Variants in FAM117B observed in about 807,000 individuals in gnomAD.
The protein encoded by FAM117B is family with sequence similarity 117 member B, also known as protein FAM117B.
FAM117B carries 22 observed loss-of-function variants against 52.8 expected under a neutral mutation model. That is an observed-to-expected ratio of 0.42 (90% confidence interval 0.30 to 0.59). The LOEUF is 0.59. Ranked by LOEUF, FAM117B falls within the 20% of genes least tolerant of loss-of-function variation. The probability of loss-of-function intolerance (pLI) is 0.22; values close to 1 mark genes in which losing one functional copy is unlikely to be tolerated. For missense variants in FAM117B, 678 were observed against 802.6 expected, an observed-to-expected ratio of 0.84 and a Z score of 1.88; for synonymous variants, 309 against 324.1, an observed-to-expected ratio of 0.95 and a Z score of 0.50.
Position 202,683,075 on chromosome 2 carries a change from C to T in FAM117B, c.602-12806C>T, listed in dbSNP as rs556715888. 1.8e-4 allele frequency among the ~76,000 whole-genome samples: 27 copies of T among 152,250 alleles called. No individual in the cohort carries two copies. In the South Asian group the frequency reaches 5.4e-3, roughly 30 times the overall value. On this transcript the variant is annotated intron_variant, in intron 1 of 7. Transcript: ENST00000392238. ...AGGTGTAGTGGCTCATGCCTATAAT[C>T]CTAGCACTTTGGGAGGCCGAGGCGG...
At chr2:202,667,289 C>T (rs1044593272) in intron 1 of FAM117B, among the ~76,000 whole-genome samples, 2 of 151,438 alleles carry the variant, frequency 1.3e-5, no homozygotes, top group African/African-American at 2.4e-5. Context: ...TTAATAGAGA[C>T]GGGGTTTCAC....
At chr2:202,747,089 T>C (rs1185801726) in intron 4 of FAM117B, among the ~76,000 whole-genome samples, 3 of 152,050 alleles carry the variant, frequency 2.0e-5, no homozygotes, top group Admixed American at 6.6e-5. Flanking sequence ...CAAGATTAAG[T>C]GGGATTTATT....
chr2:202,662,140 A>G lies in FAM117B; in HGVS notation c.601+26352A>G, dbSNP rs1047099693. On this transcript the variant is annotated intron_variant, in intron 1 of 7. Coordinates refer to ENST00000392238, the MANE Select transcript of FAM117B (RefSeq NM_173511.4). ...GGTAGGTGTGTGTGTGTGTGTGTGT[A>G]TGTGTGTATGTGTGTGTGTGTACGT... 3.2e-4 allele frequency among the ~76,000 whole-genome samples: 45 copies of G among 141,838 alleles called. No individual in the cohort carries two copies. The South Asian group carries it at 6.8e-3, about 21-fold the overall frequency. 93.1% of individuals were successfully genotyped at this position (141,838 alleles called of 152,430 possible). A position where few individuals can be genotyped will look rare whatever the true frequency, so the allele number is the denominator to read the frequency against.
intron 2 of FAM117B, among the ~76,000 whole-genome samples, chr2:202,723,019 G>A (rs1447588937): frequency 6.6e-6 from 1 of 152,144 alleles, no homozygotes; most frequent in Non-Finnish European, 1.5e-5. Context: ...AAGTACAGTA[G>A]GGGTCACCTC....
chr2:202,705,839 G>C (rs995714698), intron 2 of FAM117B, among the ~76,000 whole-genome samples: 1 of 152,192 alleles, frequency 6.6e-6, no homozygotes, highest in Admixed American at 6.5e-5. Flanking sequence ...TTTAGGGAGA[G>C]AAACTGTAGT....
intron 1 of FAM117B, among the ~76,000 whole-genome samples, chr2:202,669,036 C>A (rs1690252105): frequency 6.6e-6 from 1 of 152,060 alleles, no homozygotes; most frequent in Admixed American, 6.6e-5. Flanking sequence ...ATAATATATG[C>A]CAAAAGTTCC....
intron 7 of FAM117B, among the ~76,000 whole-genome samples, chr2:202,763,202 G>GCTGGGA (rs2105801914): frequency 6.6e-6 from 1 of 151,268 alleles, no homozygotes; most frequent in South Asian, 2.1e-4. Flanking sequence ...CTCCCAAATA[G>GCTGGGA]CTGGGACTAC....
At chr2:202,752,416 C>CTTTTTT (rs57518801) in intron 4 of FAM117B, among the ~76,000 whole-genome samples, 1 of 136,728 alleles carries the variant, frequency 7.3e-6, no homozygotes. Flanking sequence ...TATGCTTTTT[C>CTTTTTT]TTTTTTTTTT....
chr2:202,755,867 G>A (rs1268047205), intron 5 of FAM117B, among the ~76,000 whole-genome samples, 186 bp downstream of exon 5: 1 of 152,178 alleles, frequency 6.6e-6, no homozygotes, highest in Non-Finnish European at 1.5e-5. Context: ...TGTCATAGAG[G>A]CAACTGATCT....
At chr2:202,648,864 C>T (rs186960100) in intron 1 of FAM117B, among the ~76,000 whole-genome samples, 19 of 151,894 alleles carry the variant, frequency 1.3e-4, no homozygotes, top group East Asian at 1.9e-4. Context: ...CGGGTTCAGG[C>T]GATTCTCCTG....
At chr2:202,682,048 C>T (rs780113224) in intron 1 of FAM117B, among the ~76,000 whole-genome samples, 62 of 152,190 alleles carry the variant, frequency 4.1e-4, no homozygotes, top group Non-Finnish European at 7.5e-4. Flanking sequence ...AGCTTGACAG[C>T]GCAGCTTCAG....
intron 1 of FAM117B, among the ~76,000 whole-genome samples, chr2:202,663,110 A>T (rs1199733638): frequency 1.3e-5 from 2 of 152,262 alleles, no homozygotes; most frequent in Non-Finnish European, 2.9e-5. Flanking sequence ...AACAATTTCC[A>T]TATCAATAGG....
chr2:202,660,523 C>A (rs1317226615), intron 1 of FAM117B, among the ~76,000 whole-genome samples: 3 of 152,118 alleles, frequency 2.0e-5, no homozygotes, highest in Non-Finnish European at 2.9e-5. Context: ...CTGTGTTATA[C>A]TATTTTGGGT....
At chr2:202,701,576 C>T (rs141899781) in intron 2 of FAM117B, among the ~76,000 whole-genome samples, 1 of 152,314 alleles carries the variant, frequency 6.6e-6, no homozygotes, top group East Asian at 1.9e-4. Flanking sequence ...GGAAAAGATT[C>T]ACCATTCTAG....
At chr2:202,756,069 A>G (rs1347933119) in intron 5 of FAM117B, among the ~76,000 whole-genome samples, 1 of 152,172 alleles carries the variant, frequency 6.6e-6, no homozygotes, top group African/African-American at 2.4e-5. Flanking sequence ...TTTGAATGTC[A>G]GTGACTATTT....
chr2:202,755,671 A>C lies in FAM117B; in HGVS notation c.1094A>C (p.Glu365Ala), dbSNP rs780941948. 4 of 1,612,838 alleles carry C rather than the reference A, an allele frequency of 2.5e-6. No individual in the cohort carries two copies. In the Admixed American group the frequency reaches 6.7e-5, roughly 27 times the overall value. ...IIIKETGEKE[E>A]QLIPQDIPDG... is the part of the protein sequence containing the mutation. ...ATTAAAGAGACTGGGGAAAAGGAAG[A>C]GCAACTTATAGTAAGTGATCTTGTA... Residue 365 changes from glutamate to alanine, a missense_variant, in exon 5 of 8, where the codon GAG becomes GCG. Glu to Ala is a moderately radical substitution (Grantham distance 107, BLOSUM62 -1). Around this residue, in one of 3 missense-constraint regions of FAM117B, gnomAD observed 583 missense variants for 644.8 expected, o/e 0.90. Coordinates refer to ENST00000392238, the MANE Select transcript of FAM117B (RefSeq NM_173511.4).
intron 1 of FAM117B, among the ~76,000 whole-genome samples, chr2:202,659,297 C>T (rs56163317): frequency 0.051 from 7,790 of 151,672 alleles, 241 homozygotes; most frequent in Middle Eastern, 0.093. Flanking sequence ...TGAGCCACCA[C>T]GCCTGGCCTT....
chr2:202,690,437 G>A (rs190101598), intron 1 of FAM117B, among the ~76,000 whole-genome samples: 10 of 152,226 alleles, frequency 6.6e-5, no homozygotes, highest in Admixed American at 2.0e-4. Context: ...TCACTGGGAT[G>A]GGGGGTGGGA....
At chr2:202,703,370 C>G (rs904803421) in intron 2 of FAM117B, among the ~76,000 whole-genome samples, 3 of 152,108 alleles carry the variant, frequency 2.0e-5, no homozygotes, top group Admixed American at 1.3e-4. Context: ...TCCTTACTTC[C>G]TCCTACCTCC....
Sources: allele counts gnomAD v4.1 joint callset (sites outside exome capture counted in the v4.1 genomes callset), GRCh38; gene constraint gnomAD v4.1.1; regional missense constraint gnomAD v4.1.1; transcripts MANE v1.5; gene names NCBI Gene and HGNC (gene_info 2026-07-23, HGNC 2026-07-21).